SETX: variants seen among roughly 807,000 people sequenced by gnomAD.
SETX encodes senataxin, also known as helicase senataxin.
A neutral mutation model predicts 227.2 loss-of-function variants in SETX; 90 were observed. That is an observed-to-expected ratio of 0.40 (90% CI 0.33 to 0.47). The LOEUF (loss-of-function observed/expected upper bound fraction) is 0.47, where lower values mean the gene tolerates loss of function less well. Among genes scored for constraint, SETX ranks in the 20% least tolerant of loss-of-function variants. SETX has a pLI of 0.91. For missense variants in SETX, 3,052 were observed against 3,181.5 expected, an observed-to-expected ratio of 0.96 and a Z score of 0.98; for synonymous variants, 1,210 against 1,113.2, an observed-to-expected ratio of 1.09 and a Z score of -1.73.
At chr9:132,292,693 G>C (rs947781897) in intron 15 of SETX, among the ~76,000 whole-genome samples, 1 of 146,816 alleles carries the variant, frequency 6.8e-6, no homozygotes, top group Non-Finnish European at 1.5e-5. Context: ...GCAGTGGCGC[G>C]ATCTCAGCTC....
intron 10 of SETX, among the ~76,000 whole-genome samples, chr9:132,313,827 T>TA (rs35370496): frequency 0.082 from 11,828 of 144,330 alleles, 622 homozygotes; most frequent in East Asian, 0.28. Context: ...TCAGCTGCTG[T>TA]AAAAAAAAAA....
At position 132,326,726 on chromosome 9, in the gene SETX, TAG is replaced by T; in HGVS notation, c.4870_4871del (p.Leu1624LysfsTer3). The T allele has an allele frequency of 6.2e-7, 1 of 1,614,210 alleles. No homozygotes were observed. Among genetic ancestry groups the T allele is most frequent in the Non-Finnish European group, 8.5e-7 (1 of 1,180,026 alleles). On this transcript the variant is annotated frameshift_variant, in exon 10 of 26. Transcript: ENST00000224140. LOFTEE classifies it high-confidence loss of function. ...ACTGTATCCCCTTTGACTTATTTTT[TAG>T]AGACGGTGAAAGTGCTGAAGAAGTT... ...LETSSALSPS[L>X]KNKSKGIQSI...
At chr9:132,294,947 T>G (rs996155946) in intron 15 of SETX, among the ~76,000 whole-genome samples, 2 of 152,252 alleles carry the variant, frequency 1.3e-5, no homozygotes, top group Admixed American at 6.5e-5. Context: ...AAAGCCACTG[T>G]ATTTGGAGTC....
At chr9:132,311,403 G>C (rs1030803861) in intron 11 of SETX, among the ~76,000 whole-genome samples, 2 of 151,910 alleles carry the variant, frequency 1.3e-5, no homozygotes, top group African/African-American at 2.4e-5. Context: ...TATGTGGTTC[G>C]GATCAATCAT....
chr9:132,268,861 C>T (rs866365090), intron 25 of SETX, among the ~76,000 whole-genome samples: 2 of 152,194 alleles, frequency 1.3e-5, no homozygotes, highest in Non-Finnish European at 1.5e-5. Context: ...GGCACACAGA[C>T]GACAAAGGCT....
chr9:132,270,912 C>G (rs1311398876), intron 24 of SETX, among the ~76,000 whole-genome samples: 7 of 152,184 alleles, frequency 4.6e-5, no homozygotes, highest in African/African-American at 1.4e-4. Context: ...CAACTGGGCT[C>G]TGTATATGCA....
At chr9:132,280,284 ATT>A (rs10592325) in intron 20 of SETX, among the ~76,000 whole-genome samples, 11,675 of 151,430 alleles carry the variant, frequency 0.077, 848 homozygotes, top group East Asian at 0.38. Context: ...GCACAAATGG[ATT>A]TTTTTTTTCT....
chr9:132,283,407 C>T lies in SETX; in HGVS notation c.6403G>A (p.Gly2135Arg). 1 of 1,614,140 alleles carries T rather than the reference C, an allele frequency of 6.2e-7. No individual in the cohort carries two copies. ...ATACTCTGTGTTTTCTGTGGGCGTC[C>T]TTGAACCTAAGAGAACAAAGGTTAA... Reference protein sequence around the residue: ...ELASKIKEVQGRPQKTQSIII... With the variant: ...ELASKIKEVQRRPQKTQSIII... Residue 2135 changes from glycine (G) to arginine (R), a missense_variant, in exon 19 of 26, where the codon GGA becomes AGA. Coordinates refer to ENST00000224140, the MANE Select transcript of SETX (RefSeq NM_015046.7).
chr9:132,290,209 C>G (rs1047675424), intron 15 of SETX, among the ~76,000 whole-genome samples: 1 of 151,528 alleles, frequency 6.6e-6, no homozygotes. Context: ...GACTCCGTCT[C>G]AAAAAAACAA....
intron 18 of SETX, among the ~76,000 whole-genome samples, chr9:132,285,790 G>C (rs530096955): frequency 7.8e-4 from 118 of 151,242 alleles, no homozygotes; most frequent in Non-Finnish European, 1.5e-3. Flanking sequence ...TGAGGCAGGA[G>C]AATCACTTGA....
intron 22 of SETX, among the ~76,000 whole-genome samples, chr9:132,276,194 C>A (rs927072800): frequency 6.6e-6 from 1 of 152,200 alleles, no homozygotes; most frequent in African/African-American, 2.4e-5. Context: ...ACTAAATGGA[C>A]AACCCAATCA....
rs765459218 is a variant in SETX at position 132,283,324 on chromosome 9, T to C, written c.6486A>G (p.Leu2162=). 6.2e-6 allele frequency: 10 copies of C among 1,614,058 alleles called. No individual in the cohort carries two copies. The East Asian group carries it at 2.0e-4, about 32-fold the overall frequency. ...CCTLSTSGGL[L]LESAFRGQGG... ...CTTGCCCACGGAAAGCAGACTCAAG[T>C]AGTAAACCACCACTTGTGCTCAACG... The change falls in exon 19 of 26, where the codon CTA becomes CTG. Residue 2162 remains leucine (L), a synonymous_variant. Transcript: ENST00000224140.
At chr9:132,355,039 C>G (rs1263019607), upstream of SETX, 1 of 152,252 alleles carries the variant, frequency 6.6e-6, no homozygotes, top group East Asian at 1.9e-4. Flanking sequence ...GTAGGCCCCG[C>G]CCCCGCGCTG....
chr9:132,313,865 A>T (rs1845811445), intron 10 of SETX, among the ~76,000 whole-genome samples: 1 of 151,432 alleles, frequency 6.6e-6, no homozygotes, highest in South Asian at 2.1e-4. Context: ...AGCTCCCTGA[A>T]CATAAGAACA....
rs543062676 is a variant in SETX at position 132,304,806 on chromosome 9, T to C, written c.5375-4003A>G. The stretch of plus-strand genomic sequence containing the variant: ...TGAGGTCAGGAGTTCAAGACCAGCC[T>C]AGCCAAAATGGCAAATCCCCATCTC... On this transcript the variant is annotated intron_variant, in intron 11 of 25. Transcript: ENST00000224140. Among the ~76,000 whole-genome samples, 89 of 152,162 alleles carry C rather than the reference T, an allele frequency of 5.8e-4. 2 individuals are homozygous for C. The South Asian group carries it at 0.018, about 30-fold the overall frequency.
rs773529045 is a variant in SETX, at chr9:132,331,452, A to G, written c.839-4T>C. 41 of 1,613,604 alleles carry G rather than the reference A, an allele frequency of 2.5e-5. No individual in the cohort carries two copies. Among genetic ancestry groups the G allele is most frequent in the Non-Finnish European group, 3.3e-5 (39 of 1,179,840 alleles). On this transcript the variant is annotated splice_polypyrimidine_tract_variant and splice_region_variant and intron_variant, in intron 7 of 25. Coordinates refer to ENST00000224140, the MANE Select transcript of SETX (RefSeq NM_015046.7). ...CAGAAAGGATCCACACTATCATCTGAAATACAATGGCACAATCGTTGAATT... is the reference window on the plus strand; with the variant it reads ...CAGAAAGGATCCACACTATCATCTGGAATACAATGGCACAATCGTTGAATT...
chr9:132,270,708 A>G (rs1842864221), intron 24 of SETX, among the ~76,000 whole-genome samples: 1 of 152,234 alleles, frequency 6.6e-6, no homozygotes, highest in Admixed American at 6.5e-5. Context: ...GTACCAGCCT[A>G]ATCACTTTAT....
At chr9:132,305,256 A>G (rs990122244) in intron 11 of SETX, among the ~76,000 whole-genome samples, 1 of 147,666 alleles carries the variant, frequency 6.8e-6, no homozygotes, top group Non-Finnish European at 1.5e-5. Context: ...CGGGAGGCTG[A>G]GGCAGGAGAA....
chr9:132,343,677 T>C (rs1273868977), intron 4 of SETX, among the ~76,000 whole-genome samples: 1 of 152,156 alleles, frequency 6.6e-6, no homozygotes. Context: ...GCATAATGAG[T>C]AGAAAAGCAT....
Sources: allele counts gnomAD v4.1 joint callset (sites outside exome capture counted in the v4.1 genomes callset), GRCh38; gene constraint gnomAD v4.1.1; transcripts MANE v1.5; gene names NCBI Gene and HGNC (gene_info 2026-07-23, HGNC 2026-07-21).